ERCC6: variants seen among roughly 807,000 people sequenced by gnomAD.
ERCC6 encodes the protein ERCC excision repair 6, chromatin remodeling factor, also known as DNA excision repair protein ERCC-6.
In ERCC6, 116 loss-of-function variants were observed where a neutral mutation model predicts 158.7. The ratio of observed to expected loss-of-function variants is 0.73; its 90% CI spans 0.63 to 0.85. The LOEUF (loss-of-function observed/expected upper bound fraction) is 0.85. ERCC6 is among the 40% of genes least tolerant of loss of function. The pLI is 0.00. For synonymous variants in ERCC6, 678 were observed against 659.3 expected, an observed-to-expected ratio of 1.03 and a Z score of -0.43; for missense variants, 1,698 against 1,799.4, an observed-to-expected ratio of 0.94 and a Z score of 1.02.
chr10:49,444,177 T>C, the ERCC6 span, among the ~76,000 whole-genome samples: 3 of 152,154 alleles, frequency 2.0e-5, no homozygotes, highest in Admixed American at 1.3e-4. Context: ...GCCCCAGACA[T>C]TTCTGTGGAC....
At position 49,516,526 on chromosome 10, in the gene ERCC6, T is replaced by C. The variant is rs1360722218; in HGVS notation, c.1397+7507A>G. On this transcript the variant is annotated intron_variant, in intron 5 of 20. Transcript: ENST00000355832. ...CTTTGTTCCCAAAACATACGCCTTCTAGGAACTGAGACATAACCACTCAGA... is the reference window on the plus strand; with the variant it reads ...CTTTGTTCCCAAAACATACGCCTTCCAGGAACTGAGACATAACCACTCAGA... The C allele has an allele frequency of 2.5e-6, 4 of 1,614,158 alleles. No homozygotes were observed. In the South Asian group the frequency reaches 3.3e-5, roughly 13 times the overall value.
At chr10:49,515,183 T>C (rs1263981371) in intron 5 of ERCC6, 3 of 1,310,632 alleles carry the variant, frequency 2.3e-6, no homozygotes, top group African/African-American at 1.5e-5. Flanking sequence ...CCTAGAAAAA[T>C]TCAAGGAACA....
Position 49,458,280 on chromosome 10 carries a change from C to A in ERCC6, c.*535G>T. 6.4e-6 allele frequency: 1 copy of A among 155,500 alleles called. No homozygotes were observed. Among genetic ancestry groups the A allele is most frequent in the Admixed American group, 6.3e-5 (1 of 15,908 alleles). 9.6% of individuals were successfully genotyped at this position (155,500 alleles called of 1,614,324 possible). A position where few individuals can be genotyped will look rare whatever the true frequency, so the allele number is the denominator to read the frequency against. The stretch of plus-strand genomic sequence containing the variant: ...CAGTACCTTGAAAAGAGGATCTTTC[C>A]AAGAAAATTAATATAATTATCAAAC... On this transcript the variant is annotated 3_prime_UTR_variant, in exon 21 of 21. Coordinates refer to ENST00000355832, the MANE Select transcript of ERCC6 (RefSeq NM_000124.4).
At chr10:49,448,458 T>C in the ERCC6 span, among the ~76,000 whole-genome samples, 1 of 152,236 alleles carries the variant, frequency 6.6e-6, no homozygotes, top group Non-Finnish European at 1.5e-5. Flanking sequence ...TGAGATATAA[T>C]TCATATACCA....
chr10:49,439,415 C>A, the ERCC6 span, among the ~76,000 whole-genome samples: 1 of 152,248 alleles, frequency 6.6e-6, no homozygotes, highest in Non-Finnish European at 1.5e-5. Context: ...GCTGGAGCAG[C>A]TGGGATGCAG....
At chr10:49,517,363 C>T (rs537016339) in intron 5 of ERCC6, among the ~76,000 whole-genome samples, 1 of 152,300 alleles carries the variant, frequency 6.6e-6, no homozygotes, top group East Asian at 1.9e-4. Flanking sequence ...TTTCTGAAAA[C>T]TCACATCACT....
At chr10:49,527,684 T>C (rs1030343413) in intron 4 of ERCC6, among the ~76,000 whole-genome samples, 17 of 152,248 alleles carry the variant, frequency 1.1e-4, no homozygotes, top group African/African-American at 3.9e-4. Context: ...TTCAAAAATA[T>C]ACATATTTTT....
chr10:49,466,205 AGAC>A (rs1850671623), intron 18 of ERCC6, among the ~76,000 whole-genome samples: 3 of 152,244 alleles, frequency 2.0e-5, no homozygotes, highest in African/African-American at 7.2e-5. Context: ...CCAAAAACTT[AGAC>A]TAAAGACAAA....
intron 1 of ERCC6, among the ~76,000 whole-genome samples, chr10:49,533,315 A>T (rs1837517428): frequency 6.6e-6 from 1 of 152,220 alleles, no homozygotes; most frequent in African/African-American, 2.4e-5. Flanking sequence ...CTGTTTTCCA[A>T]GTTAGCATCT....
chr10:49,454,135 C>CT (rs1343094687), downstream of ERCC6, among the ~76,000 whole-genome samples: 13 of 118,840 alleles, frequency 1.1e-4, no homozygotes, highest in East Asian at 1.0e-3. Flanking sequence ...GCTCATTTTT[C>CT]ATTTTTTTTC....
At chr10:49,469,150 A>T (rs1268968469) in intron 18 of ERCC6, among the ~76,000 whole-genome samples, 1 of 152,262 alleles carries the variant, frequency 6.6e-6, no homozygotes. Flanking sequence ...ACTAGTGGAT[A>T]AAAGTTTGAT....
chr10:49,479,069 T>A (rs965339992), intron 10 of ERCC6, among the ~76,000 whole-genome samples: 15 of 151,180 alleles, frequency 9.9e-5, no homozygotes, highest in African/African-American at 2.9e-4. Flanking sequence ...TATGGTTCTG[T>A]AATGGAGCAC....
chr10:49,516,564 A>T lies in ERCC6; in HGVS notation c.1397+7469T>A, dbSNP rs1169880665. 1.9e-6 allele frequency: 3 copies of T among 1,613,854 alleles called. No homozygotes were observed. The Admixed American group carries it at 5.0e-5, about 27-fold the overall frequency. On this transcript the variant is annotated intron_variant, in intron 5 of 20. Coordinates refer to ENST00000355832, the MANE Select transcript of ERCC6 (RefSeq NM_000124.4). ...ATAACCACTCAGAAAAATAATTCCCAGAAAACATTTGAATTCAGAGCTAGT... is the reference window on the plus strand; with the variant it reads ...ATAACCACTCAGAAAAATAATTCCCTGAAAACATTTGAATTCAGAGCTAGT...
At position 49,524,804 on chromosome 10, in the gene ERCC6, G is replaced by A. The variant is rs371718837; in HGVS notation, c.653-27C>T. On this transcript the variant is annotated intron_variant, in intron 4 of 20. Transcript: ENST00000355832. ...TGAAAGAACAATAGCAATGCGTTTC[G>A]CACTAGCATGAAACTTTCCGAGGGT... 1.8e-4 allele frequency: 287 copies of A among 1,598,738 alleles called. 1 individual carries two copies. The African/African-American group carries it at 2.8e-3, about 16-fold the overall frequency.
At chr10:49,466,333 C>T (rs1850674489) in intron 18 of ERCC6, among the ~76,000 whole-genome samples, 1 of 152,082 alleles carries the variant, frequency 6.6e-6, no homozygotes, top group Non-Finnish European at 1.5e-5. Flanking sequence ...AAAAAGCTAC[C>T]ATGTATCCTA....
rs143502251 is a variant in ERCC6, at chr10:49,470,638, C to T, written c.3322G>A (p.Gly1108Arg). The stretch of plus-strand genomic sequence containing the variant: ...CCAGATACTGCATTTGTCTCTTCTC[C>T]AAGCCTATCATTGCTAGTTACATTA... ...SSNVTSNDRL[G>R]EETNAVSGPE... Residue 1108 changes from glycine to arginine, a missense_variant, in exon 18 of 21, where the codon GGA becomes AGA. Gly to Arg is a moderately radical substitution (Grantham distance 125). Coordinates refer to ENST00000355832, the MANE Select transcript of ERCC6 (RefSeq NM_000124.4). The T allele has an allele frequency of 3.7e-6, 6 of 1,613,510 alleles. No homozygotes were observed. In the African/African-American group the frequency reaches 5.3e-5, roughly 14 times the overall value.
At position 49,499,696 on chromosome 10, in the gene ERCC6, T is replaced by C. The variant is rs77588659; in HGVS notation, c.1685+842A>G. Among the ~76,000 whole-genome samples the C allele has an allele frequency of 4.7e-3, 715 of 152,338 alleles. 5 individuals carry two copies. The highest frequency in any genetic ancestry group is 0.016 in the African/African-American group (648 of 41,580). ...ACCAATATTTTTACCAATACTGATT[T>C]CTACAGAGTCAATTTACAGTTTAAA... On this transcript the variant is annotated intron_variant, in intron 7 of 20. Coordinates refer to ENST00000355832, the MANE Select transcript of ERCC6 (RefSeq NM_000124.4).
At chr10:49,446,924 C>T in the ERCC6 span, among the ~76,000 whole-genome samples, 1 of 152,200 alleles carries the variant, frequency 6.6e-6, no homozygotes, top group Admixed American at 6.5e-5. Flanking sequence ...ATAATGGCTA[C>T]AGTCTTCCAG....
rs769733106 is a variant in ERCC6 at position 49,528,514 on chromosome 10, T to A, written c.555A>T (p.Leu185=). 9.3e-6 allele frequency: 15 copies of A among 1,614,204 alleles called. No individual in the cohort carries two copies. In the East Asian group the frequency reaches 2.0e-4, roughly 22 times the overall value. Residue 185 remains leucine (L), a synonymous_variant, in exon 4 of 21, where the codon CTA becomes CTT. Transcript: ENST00000355832. ...KRQKYNKEQQ[L]KKITAKQKHL... ...GCTTTTGTTTTGCAGTGATCTTTTT[T>A]AGCTGTTGTTCCTTGAATGGTAAAT...
Sources: allele counts gnomAD v4.1 joint callset (sites outside exome capture counted in the v4.1 genomes callset), GRCh38; gene constraint gnomAD v4.1.1; transcripts MANE v1.5; gene names NCBI Gene and HGNC (gene_info 2026-07-23, HGNC 2026-07-21).